NTM: variants seen among roughly 807,000 people sequenced by gnomAD.
The protein encoded by NTM is IgLON family member 2.
A neutral mutation model predicts 42.1 loss-of-function variants in NTM; 13 were observed. That is an observed-to-expected ratio of 0.31 (90% confidence interval 0.20 to 0.49). The LOEUF is 0.49. Ranked by LOEUF, NTM falls within the 20% of genes least tolerant of loss-of-function variation. The probability of loss-of-function intolerance (pLI) is 0.99; values close to 1 mark genes in which losing one functional copy is unlikely to be tolerated. For missense variants in NTM, 373 were observed against 452.8 expected, an observed-to-expected ratio of 0.82 and a Z score of 1.60; for synonymous variants, 187 against 179.2, an observed-to-expected ratio of 1.04 and a Z score of -0.35.
chr11:131,772,890 G>A (rs577943559), intron 1 of NTM, among the ~76,000 whole-genome samples: 86 of 152,290 alleles, frequency 5.6e-4, no homozygotes, highest in Non-Finnish European at 9.8e-4. Flanking sequence ...ATGATAGAGA[G>A]GAAGGCATTA....
At chr11:132,147,308 C>T (rs537865003) in intron 3 of NTM, among the ~76,000 whole-genome samples, 1 of 152,014 alleles carries the variant, frequency 6.6e-6, no homozygotes, top group African/African-American at 2.4e-5. Context: ...AAGGCAGAAC[C>T]AGTCCTGGGG....
chr11:131,505,785 A>T (rs1004214404), intron 1 of NTM, among the ~76,000 whole-genome samples: 2 of 152,186 alleles, frequency 1.3e-5, no homozygotes, highest in Non-Finnish European at 2.9e-5. Context: ...CCAGTTGAGA[A>T]CTATCTTCTC....
intron 1 of NTM, among the ~76,000 whole-genome samples, chr11:131,521,666 A>C (rs1294936525): frequency 6.6e-6 from 1 of 151,934 alleles, no homozygotes; most frequent in Non-Finnish European, 1.5e-5. Context: ...TTCAAGAGGG[A>C]TCCACCTTCA....
At chr11:131,398,771 C>T (rs994599303) in intron 1 of NTM, among the ~76,000 whole-genome samples, 5 of 152,142 alleles carry the variant, frequency 3.3e-5, no homozygotes, top group African/African-American at 1.2e-4. Context: ...CATGGAAAAA[C>T]AAAGTGATCC....
chr11:131,859,163 T>C lies in NTM; in HGVS notation c.83-52401T>C, dbSNP rs369646957. On this transcript the variant is annotated intron_variant, in intron 1 of 8. Transcript: ENST00000683400. Reference sequence around the variant, plus strand: ...TCATCCGAGAGACACATCGGGTGTCTTCCTGGTGCCAGGTATGTTTCAGAG... The same window carrying C: ...TCATCCGAGAGACACATCGGGTGTCCTCCTGGTGCCAGGTATGTTTCAGAG... 4.1e-3 allele frequency among the ~76,000 whole-genome samples: 632 copies of C among 152,348 alleles called. 5 individuals are homozygous for C. The highest frequency in any genetic ancestry group is 4.8e-3 in the Non-Finnish European group (326 of 68,040).
rs56796069 is a variant in NTM at position 131,828,128 on chromosome 11, G to GA, written c.83-83425dup. 6.4e-3 allele frequency among the ~76,000 whole-genome samples: 910 copies of GA among 141,582 alleles called. 3 individuals carry two copies. Among genetic ancestry groups the GA allele is most frequent in the East Asian group, 0.019 (93 of 4,804 alleles). The allele number at this position is 141,582 out of a possible 152,430, so 92.9% of individuals were successfully genotyped here. A position where few individuals can be genotyped will look rare whatever the true frequency, so the allele number is the denominator to read the frequency against. On this transcript the variant is annotated intron_variant, in intron 1 of 8. Coordinates refer to ENST00000683400, the MANE Select transcript of NTM (RefSeq NM_001352005.2). ...AAATTTTCCTTATTTGTAAGATGAA[G>GA]AAAAAAAAAAACAACTACCTCTCAA... is the stretch of plus-strand genomic sequence containing the variant.
intron 1 of NTM, among the ~76,000 whole-genome samples, chr11:131,404,099 T>C (rs1237676608): frequency 6.6e-6 from 1 of 152,102 alleles, no homozygotes; most frequent in Non-Finnish European, 1.5e-5. Flanking sequence ...CTTCTTCCTT[T>C]AGCTACAAAC....
intron 1 of NTM, chr11:131,794,447 A>C (rs2091317734): frequency 4.1e-6 from 4 of 983,822 alleles, no homozygotes; most frequent in African/African-American, 1.7e-5. Context: ...ATGCTGTCAC[A>C]TGAGGCGTTT....
At chr11:131,810,058 CAT>C (rs1856686550) in intron 1 of NTM, among the ~76,000 whole-genome samples, 1 of 152,194 alleles carries the variant, frequency 6.6e-6, no homozygotes, top group African/African-American at 2.4e-5. Flanking sequence ...AAACCTCACT[CAT>C]AATCTCTACA....
intron 2 of NTM, among the ~76,000 whole-genome samples, chr11:131,918,493 A>G (rs1335858603): frequency 6.6e-6 from 1 of 152,174 alleles, no homozygotes; most frequent in East Asian, 1.9e-4. Flanking sequence ...GGACACAATG[A>G]TTACTCTGAT....
At chr11:132,318,322 G>T (rs1401155143) in intron 7 of NTM, among the ~76,000 whole-genome samples, 1 of 152,118 alleles carries the variant, frequency 6.6e-6, no homozygotes, top group African/African-American at 2.4e-5. Flanking sequence ...CCACCGTACA[G>T]AGTTGTTCCA....
At position 132,217,354 on chromosome 11, in the gene NTM, C is replaced by CTT. The variant is rs768649195; in HGVS notation, c.526+5209_526+5210dup. 8.0e-3 allele frequency among the ~76,000 whole-genome samples: 553 copies of CTT among 69,266 alleles called. 3 individuals carry two copies. Among genetic ancestry groups the CTT allele is most frequent in the African/African-American group, 0.023 (521 of 22,720 alleles). 45.4% of individuals were successfully genotyped at this position (69,266 alleles called of 152,430 possible). A position where few individuals can be genotyped will look rare whatever the true frequency, so the allele number is the denominator to read the frequency against. ...TGTGCCTCTTTCTCTCTCTCTCTCT[C>CTT]TTTCTGTGTGTGTGTGTGTGTGTGT... On this transcript the variant is annotated intron_variant, in intron 4 of 8. Coordinates refer to ENST00000683400, the MANE Select transcript of NTM (RefSeq NM_001352005.2).
intron 7 of NTM, among the ~76,000 whole-genome samples, chr11:132,326,351 A>C (rs983616054): frequency 4.6e-5 from 7 of 152,264 alleles, no homozygotes; most frequent in African/African-American, 1.4e-4. Flanking sequence ...GTTTTTAACA[A>C]GAGAGTATTT....
intron 2 of NTM, among the ~76,000 whole-genome samples, chr11:132,047,180 G>C (rs2135867416): frequency 6.6e-6 from 1 of 152,338 alleles, no homozygotes; most frequent in Non-Finnish European, 1.5e-5. Flanking sequence ...ATCTGACATA[G>C]GTATCATTCA....
At chr11:131,812,183 C>CCT (rs145003478) in intron 1 of NTM, among the ~76,000 whole-genome samples, 15,081 of 142,250 alleles carry the variant, frequency 0.11, 1,006 homozygotes, top group African/African-American at 0.19. Flanking sequence ...AATTAGTCAG[C>CCT]CTCTCTCTCT....
At chr11:131,979,309 G>T (rs1356421664) in intron 2 of NTM, among the ~76,000 whole-genome samples, 1 of 152,138 alleles carries the variant, frequency 6.6e-6, no homozygotes, top group Non-Finnish European at 1.5e-5. Context: ...GAGTGGAAGA[G>T]GATAAAGCTG....
intron 1 of NTM, among the ~76,000 whole-genome samples, chr11:131,724,739 T>C (rs2078757622): frequency 6.6e-6 from 1 of 152,076 alleles, no homozygotes; most frequent in South Asian, 2.1e-4. Context: ...ACTCATAAAT[T>C]ATAGACCTCA....
chr11:132,188,090 C>T (rs2078712945), intron 3 of NTM, among the ~76,000 whole-genome samples: 1 of 152,070 alleles, frequency 6.6e-6, no homozygotes, highest in Non-Finnish European at 1.5e-5. Flanking sequence ...TTTGTCACAA[C>T]TCTGTGCGTG....
chr11:132,009,283 A>G (rs1157648214), intron 2 of NTM, among the ~76,000 whole-genome samples: 1 of 152,152 alleles, frequency 6.6e-6, no homozygotes, highest in Non-Finnish European at 1.5e-5. Flanking sequence ...ATTTTCCCTG[A>G]CTTTTACTGA....
Sources: gnomAD v4.1 joint callset for allele counts (sites outside exome capture counted in the v4.1 genomes callset) on GRCh38, gnomAD v4.1.1 for gene constraint, MANE v1.5 for transcripts, NCBI Gene and HGNC (gene_info 2026-07-23, HGNC 2026-07-21) for gene names.